The following PIK3AP1 variants were observed in gnomAD, a reference collection of about 807,000 sequenced individuals.
PIK3AP1 encodes phosphoinositide 3-kinase adapter protein 1.
In PIK3AP1, 21 loss-of-function variants were observed where a neutral mutation model predicts 88.1. That is an observed-to-expected ratio of 0.24 (90% confidence interval 0.17 to 0.34). PIK3AP1 has a LOEUF of 0.34. Ranked by LOEUF, PIK3AP1 falls within the 10% of genes least tolerant of loss-of-function variation. PIK3AP1 has a pLI of 1.00. For missense variants in PIK3AP1, 828 were observed against 1,035.7 expected, an observed-to-expected ratio of 0.80 and a Z score of 2.75; for synonymous variants, 398 against 400.0, an observed-to-expected ratio of 1.00 and a Z score of 0.06.
Position 96,692,869 on chromosome 10 carries a change from T to A in PIK3AP1, c.430+16698A>T, listed in dbSNP as rs183106931. ...AATAAAAGTCCCAATCAAGAATTTA[T>A]TTTTGTATTTACTATGAAATTTTAA... On this transcript the variant is annotated intron_variant, in intron 2 of 16. Coordinates refer to ENST00000339364, the MANE Select transcript of PIK3AP1 (RefSeq NM_152309.3). 2.2e-4 allele frequency among the ~76,000 whole-genome samples: 34 copies of A among 152,378 alleles called. No individual in the cohort carries two copies. The East Asian group carries it at 5.8e-3, about 26-fold the overall frequency.
intron 2 of PIK3AP1, among the ~76,000 whole-genome samples, chr10:96,658,481 G>A (rs756468068): frequency 3.3e-5 from 5 of 152,080 alleles, no homozygotes; most frequent in Non-Finnish European, 7.4e-5. Context: ...TTGGGGGCAG[G>A]GCTACAGGGC....
At chr10:96,664,925 TCA>T (rs1843741377) in intron 2 of PIK3AP1, among the ~76,000 whole-genome samples, 1 of 143,004 alleles carries the variant, frequency 7.0e-6, no homozygotes, top group South Asian at 2.1e-4. Flanking sequence ...AAATGCCCAC[TCA>T]GACATAAGCA....
chr10:96,646,445 C>A (rs1407789071), intron 7 of PIK3AP1, among the ~76,000 whole-genome samples: 2 of 152,028 alleles, frequency 1.3e-5, no homozygotes, highest in Non-Finnish European at 2.9e-5. Flanking sequence ...GGCTTGCAAT[C>A]CTGATTTCTG....
Position 96,604,376 on chromosome 10 carries a change from T to C in PIK3AP1, c.2171-327A>G, listed in dbSNP as rs911380726. On this transcript the variant is annotated intron_variant, in intron 14 of 16. Coordinates refer to ENST00000339364, the MANE Select transcript of PIK3AP1 (RefSeq NM_152309.3). ...TTTTTTTTTTTTTTTTTTTTTTTTT[T>C]TTGTAGCAACAGGATCTCACTCTGT... Among the ~76,000 whole-genome samples, 25 of 55,792 alleles carry C rather than the reference T, an allele frequency of 4.5e-4. No homozygotes were observed. In the Middle Eastern group the frequency reaches 0.069, roughly 155 times the overall value. The allele number at this position is 55,792 out of a possible 152,430, so 36.6% of individuals were successfully genotyped here.
intron 6 of PIK3AP1, among the ~76,000 whole-genome samples, chr10:96,650,332 C>T (rs1446800766): frequency 6.6e-6 from 1 of 152,144 alleles, no homozygotes. Context: ...TGTAGTGCAA[C>T]CATGGCATGA....
At position 96,595,650 on chromosome 10, in the gene PIK3AP1, A is replaced by G. The variant is rs1848741725; in HGVS notation, c.2361-16T>C. 1 of 1,611,706 alleles carries G rather than the reference A, an allele frequency of 6.2e-7. No individual in the cohort carries two copies. The highest frequency in any genetic ancestry group is 1.7e-5 in the Admixed American group (1 of 59,944). ...GGTCGGAGGCCTAAAATGAAAGATA[A>G]GGCAACTCTATTTAAAAACTAATTT... On this transcript the variant is annotated splice_polypyrimidine_tract_variant and intron_variant, in intron 16 of 16. Coordinates refer to ENST00000339364, the MANE Select transcript of PIK3AP1 (RefSeq NM_152309.3).
At chr10:96,644,799 T>C (rs998668181) in intron 8 of PIK3AP1, among the ~76,000 whole-genome samples, 8 of 152,212 alleles carry the variant, frequency 5.3e-5, no homozygotes, top group Non-Finnish European at 1.2e-4. Flanking sequence ...ACACATCTTA[T>C]TTTTGCAAAC....
At chr10:96,692,357 C>T (rs1479612496) in intron 2 of PIK3AP1, among the ~76,000 whole-genome samples, 3 of 152,162 alleles carry the variant, frequency 2.0e-5, no homozygotes, top group Non-Finnish European at 4.4e-5. Context: ...AGGCAGATTA[C>T]AAGGTCAGGA....
intron 2 of PIK3AP1, among the ~76,000 whole-genome samples, chr10:96,701,063 C>G (rs2134283356): frequency 6.6e-6 from 1 of 152,346 alleles, no homozygotes; most frequent in South Asian, 2.1e-4. Flanking sequence ...GGCTGCATAG[C>G]AGAACCAACT....
At position 96,606,705 on chromosome 10, in the gene PIK3AP1, G is replaced by A. The variant is rs139070116; in HGVS notation, c.2171-2656C>T. Among the ~76,000 whole-genome samples the A allele has an allele frequency of 7.5e-3, 1,150 of 152,332 alleles. 6 individuals are homozygous for A. The highest frequency in any genetic ancestry group is 0.012 in the Admixed American group (191 of 15,300). On this transcript the variant is annotated intron_variant, in intron 14 of 16. Coordinates refer to ENST00000339364, the MANE Select transcript of PIK3AP1 (RefSeq NM_152309.3). ...CCATCAGGGGAGAAGTATCGGACAA[G>A]CATCTAACGCCATGCTACTCTTGTA...
intron 2 of PIK3AP1, among the ~76,000 whole-genome samples, chr10:96,668,148 A>C (rs1339821062): frequency 1.3e-5 from 2 of 152,188 alleles, no homozygotes; most frequent in Admixed American, 1.3e-4. Context: ...AATTAATGCC[A>C]ATGAATTGTA....
At chr10:96,618,350 T>C (rs1401340210) in intron 12 of PIK3AP1, among the ~76,000 whole-genome samples, 1 of 152,206 alleles carries the variant, frequency 6.6e-6, no homozygotes, top group East Asian at 1.9e-4. Flanking sequence ...TTTACCTTTC[T>C]GCAACAATGG....
chr10:96,664,836 C>T (rs1438225385), intron 2 of PIK3AP1, among the ~76,000 whole-genome samples: 1 of 151,256 alleles, frequency 6.6e-6, no homozygotes, highest in Admixed American at 6.6e-5. Flanking sequence ...GCCTCTTCCA[C>T]AATGCACTAC....
chr10:96,614,910 G>A (rs1001745032), intron 13 of PIK3AP1, among the ~76,000 whole-genome samples: 1 of 152,218 alleles, frequency 6.6e-6, no homozygotes, highest in African/African-American at 2.4e-5. Flanking sequence ...GAAGGGAGAT[G>A]GGGTGTTGGA....
chr10:96,595,698 C>T (rs1257143098), intron 16 of PIK3AP1, 64 bp from the exon 17 acceptor site: 15 of 1,538,440 alleles, frequency 9.8e-6, no homozygotes, highest in Non-Finnish European at 1.3e-5. Context: ...CTTAGGAATG[C>T]ACAATTTGTT....
chr10:96,628,891 T>TAC lies in PIK3AP1; in HGVS notation c.1376-399_1376-398insGT, dbSNP rs1374864784. On this transcript the variant is annotated intron_variant, in intron 8 of 16. Coordinates refer to ENST00000339364, the MANE Select transcript of PIK3AP1 (RefSeq NM_152309.3). ...ATATATACACATATATATATATACA[T>TAC]ATATATATATATATATGTGTATATA... Among the ~76,000 whole-genome samples the TAC allele has an allele frequency of 2.7e-3, 96 of 36,176 alleles. 4 individuals carry two copies. The highest frequency in any genetic ancestry group is 0.011 in the African/African-American group (91 of 8,078). The allele number at this position is 36,176 out of a possible 152,430, so 23.7% of individuals were successfully genotyped here.
At chr10:96,633,043 C>G (rs781320669) in intron 8 of PIK3AP1, 1 of 1,606,792 alleles carries the variant, frequency 6.2e-7, no homozygotes, top group African/African-American at 1.3e-5. Flanking sequence ...GCAGGCCACG[C>G]TGGTGAAAAA....
intron 16 of PIK3AP1, among the ~76,000 whole-genome samples, chr10:96,598,553 G>C (rs1309684052): frequency 3.3e-5 from 5 of 152,150 alleles, no homozygotes; most frequent in East Asian, 3.9e-4. Context: ...ACTAGGGATA[G>C]GAGAAAAAAA....
intron 2 of PIK3AP1, chr10:96,700,856 A>G: frequency 1.0e-6 from 1 of 985,630 alleles, no homozygotes. Flanking sequence ...CTTTGCTCAG[A>G]GGGTCTGACT....
Sources: allele counts gnomAD v4.1 joint callset (sites outside exome capture counted in the v4.1 genomes callset), GRCh38; gene constraint gnomAD v4.1.1; transcripts MANE v1.5; gene names NCBI Gene and HGNC (gene_info 2026-07-23, HGNC 2026-07-21).